The following ESPNL variants were observed in gnomAD, a reference collection of about 807,000 sequenced individuals.
The protein encoded by ESPNL is espin like.
A neutral mutation model predicts 46.8 loss-of-function variants in ESPNL; 49 were observed. The ratio of observed to expected loss-of-function variants is 1.05; its 90% CI spans 0.83 to 1.33. The LOEUF (loss-of-function observed/expected upper bound fraction) is 1.33, where lower values mean the gene tolerates loss of function less well. Among genes scored for constraint, ESPNL ranks in the 40% most tolerant of loss-of-function variants. The pLI, the probability that ESPNL is intolerant of heterozygous loss-of-function variation, is 0.00. For synonymous variants in ESPNL, 664 were observed against 662.1 expected (o/e 1.00, Z -0.04); for missense variants, 1,540 against 1,436.6 (o/e 1.07, Z -1.16).
At position 238,130,521 on chromosome 2, in the gene ESPNL, C is replaced by G. The variant is rs748270862; in HGVS notation, c.1807C>G (p.Leu603Val). 24 of 1,595,970 alleles carry G rather than the reference C, an allele frequency of 1.5e-5. No individual in the cohort carries two copies. In the Admixed American group the frequency reaches 1.7e-4, roughly 12 times the overall value. Residue 603 changes from leucine to valine, a missense_variant, in exon 9 of 9, where the codon CTG becomes GTG. Coordinates refer to ENST00000343063, the MANE Select transcript of ESPNL (RefSeq NM_194312.4). ...CSHISRLVRS[L>V]SLLLKGVHGL... ...CCACATCTCCCGCCTGGTACGCAGC[C>G]TGTCCCTGCTGCTGAAGGGCGTGCA...
At chr2:238,124,594 AGT>A (rs1256073507) in intron 5 of ESPNL, among the ~76,000 whole-genome samples, 1 of 150,418 alleles carries the variant, frequency 6.6e-6, no homozygotes, top group African/African-American at 2.5e-5. Context: ...TGTGCAGGAG[AGT>A]GTACGTGTGT....
Position 238,129,924 on chromosome 2 carries a change from T to C in ESPNL, c.1414-204T>C, listed in dbSNP as rs545019835. On this transcript the variant is annotated intron_variant, in intron 8 of 8. Coordinates refer to ENST00000343063, the MANE Select transcript of ESPNL (RefSeq NM_194312.4). ...CTGTTGGGCTGGGAGCCGTAGGGGC[T>C]GAAAGCCACAGGGTTGAGAGCAGAG... Among the ~76,000 whole-genome samples, 6 of 152,342 alleles carry C rather than the reference T, an allele frequency of 3.9e-5. No homozygotes were observed. The South Asian group carries it at 1.2e-3, about 32-fold the overall frequency.
At chr2:238,110,111 A>C (rs4663286) in intron 4 of ESPNL, among the ~76,000 whole-genome samples, 2 of 23,162 alleles carry the variant, frequency 8.6e-5, no homozygotes, top group Non-Finnish European at 1.8e-4. Flanking sequence ...ATCCCATTTA[A>C]GGTGCCATAT....
At chr2:238,105,378 C>G (rs1045629260) in intron 3 of ESPNL, among the ~76,000 whole-genome samples, 21 of 151,906 alleles carry the variant, frequency 1.4e-4, no homozygotes, top group African/African-American at 5.1e-4. Flanking sequence ...AAAAGCAGAG[C>G]AGGTGGGACC....
intron 2 of ESPNL, among the ~76,000 whole-genome samples, chr2:238,103,773 G>T (rs1691536937): frequency 6.6e-6 from 1 of 152,252 alleles, no homozygotes; most frequent in South Asian, 2.1e-4. Flanking sequence ...ATGAGGGAGT[G>T]GACCCTCAGG....
intron 4 of ESPNL, among the ~76,000 whole-genome samples, chr2:238,113,458 G>A (rs527250106): frequency 3.3e-4 from 51 of 152,240 alleles, no homozygotes; most frequent in African/African-American, 1.1e-3. Flanking sequence ...TTTTTTGTCT[G>A]TTAGTTCTCA....
rs547595879 is a variant in ESPNL, at chr2:238,103,443, A to G, written c.486-1213A>G. The stretch of plus-strand genomic sequence containing the variant: ...GACCATGTCTCAAAAAAAAGAAGAA[A>G]ACCAGGAGGCTTCATGTTAATATGC... On this transcript the variant is annotated intron_variant, in intron 2 of 8. Coordinates refer to ENST00000343063, the MANE Select transcript of ESPNL (RefSeq NM_194312.4). Among the ~76,000 whole-genome samples, 10 of 148,734 alleles carry G rather than the reference A, an allele frequency of 6.7e-5. 1 individual carries two copies. In the East Asian group the frequency reaches 1.8e-3, roughly 27 times the overall value.
intron 2 of ESPNL, among the ~76,000 whole-genome samples, chr2:238,103,999 G>A (rs1194901168): frequency 6.6e-6 from 1 of 152,184 alleles, no homozygotes; most frequent in Non-Finnish European, 1.5e-5. Context: ...CCTGTGACTG[G>A]ACTCTCCTCT....
At position 238,131,424 on chromosome 2, in the gene ESPNL, G is replaced by C; in HGVS notation, c.2710G>C (p.Val904Leu). The change falls in exon 9 of 9, where the codon GTG becomes CTG. Residue 904 changes from valine (V) to leucine (L), a missense_variant. Transcript: ENST00000343063. ...WEAVRAFHKA[V>L]TDEVAAGRRA... ...GGCTGTGCGCGCCTTCCACAAGGCC[G>C]TGACCGACGAGGTGGCCGCCGGCCG... 6.2e-7 allele frequency: 1 copy of C among 1,608,732 alleles called. No homozygotes were observed. The highest frequency in any genetic ancestry group is 8.5e-7 in the Non-Finnish European group (1 of 1,178,082).
At chr2:238,127,577 C>G in intron 6 of ESPNL, 45 bp from the exon 7 acceptor site, 1 of 1,542,204 alleles carries the variant, frequency 6.5e-7, no homozygotes, top group Non-Finnish European at 8.8e-7. Flanking sequence ...GGTCTCTGCT[C>G]CCCAGCCCTT....
intron 5 of ESPNL, among the ~76,000 whole-genome samples, chr2:238,117,635 T>C (rs530296944): frequency 6.6e-4 from 101 of 152,356 alleles, no homozygotes; most frequent in Admixed American, 1.8e-3. Flanking sequence ...CCCCACAGCC[T>C]CTCATTTCCC....
At position 238,111,347 on chromosome 2, in the gene ESPNL, C is replaced by T. The variant is rs192780328; in HGVS notation, c.855+3374C>T. 1.7e-3 allele frequency among the ~76,000 whole-genome samples: 264 copies of T among 152,284 alleles called. 1 individual carries two copies. Among genetic ancestry groups the T allele is most frequent in the African/African-American group, 6.0e-3 (250 of 41,550 alleles). On this transcript the variant is annotated intron_variant, in intron 4 of 8. Coordinates refer to ENST00000343063, the MANE Select transcript of ESPNL (RefSeq NM_194312.4). ...CATTTTCGAGCACACACTTCAGCAG[C>T]GCTAAGTCTGTTCACGTTGTCGTGC...
At chr2:238,107,442 C>G (rs547359033) in intron 3 of ESPNL, among the ~76,000 whole-genome samples, 17 of 151,812 alleles carry the variant, frequency 1.1e-4, no homozygotes, top group African/African-American at 4.1e-4. Context: ...TCCCTCCCCG[C>G]CCCTCCCTCC....
intron 5 of ESPNL, among the ~76,000 whole-genome samples, chr2:238,119,191 A>ATGGATGGAGGGGGG (rs1691915899): frequency 1.6e-5 from 1 of 63,668 alleles, no homozygotes; most frequent in Non-Finnish European, 3.4e-5. Flanking sequence ...TGGAGGAGGA[A>ATGGATGGAGGGGGG]TGGATGGAGG....
chr2:238,106,777 G>A (rs559128247), intron 3 of ESPNL, among the ~76,000 whole-genome samples: 297 of 152,222 alleles, frequency 2.0e-3, no homozygotes, highest in Admixed American at 5.7e-3. Flanking sequence ...GCTGAGGCAT[G>A]AGCGGCCTTC....
Position 238,100,650 on chromosome 2 carries a change from C to T in ESPNL, c.231C>T (p.Ala77=), listed in dbSNP as rs1159106254. The change falls in exon 1 of 9, where the codon GCC becomes GCT. Residue 77 remains alanine, a synonymous_variant. Coordinates refer to ENST00000343063, the MANE Select transcript of ESPNL (RefSeq NM_194312.4). Reference sequence around the variant, plus strand: ...ACGGGGCCACCCCAGCGCATGACGCCGCTGCCACGGGCAGCCTGGCCGAGC... The same window carrying T: ...ACGGGGCCACCCCAGCGCATGACGCTGCTGCCACGGGCAGCCTGGCCGAGC... ...AHNGATPAHD[A]AATGSLAELC... 12 of 1,448,278 alleles carry T rather than the reference C, an allele frequency of 8.3e-6. No individual in the cohort carries two copies. Among genetic ancestry groups the T allele is most frequent in the Admixed American group, 5.5e-5 (2 of 36,176 alleles). 89.7% of individuals were successfully genotyped at this position (1,448,278 alleles called of 1,614,324 possible).
rs374688238 is a variant in ESPNL at position 238,128,791 on chromosome 2, G to A, written c.1300G>A (p.Gly434Arg). 2.5e-6 allele frequency: 4 copies of A among 1,573,226 alleles called. No individual in the cohort carries two copies. Among genetic ancestry groups the A allele is most frequent in the Non-Finnish European group, 3.4e-6 (4 of 1,160,418 alleles). ...TGGGCTGCCCTCAGGCGACATCGAC[G>A]GGCTGGTGCCCACGCGGGATGAGCG... is the stretch of plus-strand genomic sequence containing the variant. ...LDGLPSGDID[G>R]LVPTRDERGQ... Residue 434 changes from glycine (G) to arginine (R), a missense_variant, in exon 8 of 9, where the codon GGG becomes AGG. Coordinates refer to ENST00000343063, the MANE Select transcript of ESPNL (RefSeq NM_194312.4).
At chr2:238,103,024 G>A (rs1185505741) in intron 2 of ESPNL, among the ~76,000 whole-genome samples, 3 of 152,220 alleles carry the variant, frequency 2.0e-5, no homozygotes, top group Non-Finnish European at 4.4e-5. Flanking sequence ...TTTGGGATTC[G>A]CTTCTGTGGC....
chr2:238,116,389 G>A (rs924078425), intron 4 of ESPNL, among the ~76,000 whole-genome samples: 8 of 152,326 alleles, frequency 5.3e-5, no homozygotes, highest in South Asian at 2.1e-4. Flanking sequence ...GGTGGTGAGC[G>A]GCTTGGTCAG....
Sources: allele counts gnomAD v4.1 joint callset (sites outside exome capture counted in the v4.1 genomes callset), GRCh38; gene constraint gnomAD v4.1.1; transcripts MANE v1.5; gene names NCBI Gene and HGNC (gene_info 2026-07-23, HGNC 2026-07-21).